Variants in SHANK2 observed in about 807,000 individuals in gnomAD.
SHANK2 encodes the protein SH3 and multiple ankyrin repeat domains 2, also known as SH3 and multiple ankyrin repeat domains protein 2.
SHANK2 carries 43 observed loss-of-function variants against 133.7 expected under a neutral mutation model. That is an observed-to-expected ratio of 0.32 (90% CI 0.25 to 0.41). The LOEUF is 0.41. Ranked by LOEUF, SHANK2 falls within the 10% of genes least tolerant of loss-of-function variation. The probability of loss-of-function intolerance (pLI) is 1.00; values close to 1 mark genes in which losing one functional copy is unlikely to be tolerated. For missense variants in SHANK2, 1,994 were observed against 2,235.8 expected (o/e 0.89, Z 2.18); for synonymous variants, 1,017 against 952.8 (o/e 1.07, Z -1.24).
At chr11:70,677,169 C>T (rs770166033) in intron 15 of SHANK2, among the ~76,000 whole-genome samples, 34 of 152,216 alleles carry the variant, frequency 2.2e-4, no homozygotes, top group Admixed American at 3.9e-4. Flanking sequence ...CCAAGGCCCA[C>T]GGTCTGGTCT....
intron 11 of SHANK2, among the ~76,000 whole-genome samples, chr11:70,835,270 C>G (rs1290912748): frequency 1.3e-5 from 2 of 152,176 alleles, no homozygotes; most frequent in African/African-American, 2.4e-5. Context: ...TGTGGTGGCC[C>G]TTCTGAGAGC....
intron 14 of SHANK2, among the ~76,000 whole-genome samples, chr11:70,751,647 T>A (rs180748069): frequency 2.6e-5 from 4 of 152,178 alleles, no homozygotes. Context: ...GAAAATACGA[T>A]GGTTGAAGTA....
intron 1 of SHANK2, among the ~76,000 whole-genome samples, chr11:71,225,735 C>T (rs1300992827): frequency 6.6e-6 from 1 of 152,136 alleles, no homozygotes; most frequent in Admixed American, 6.5e-5. Context: ...AATGCTTCCA[C>T]GAACAATTAG....
chr11:70,495,349 CTG>C (rs1555156865), intron 21 of SHANK2, among the ~76,000 whole-genome samples: 1 of 152,228 alleles, frequency 6.6e-6, no homozygotes, highest in Non-Finnish European at 1.5e-5. Context: ...GTGCCGGCCT[CTG>C]TTCCCTGGCC....
intron 11 of SHANK2, 135 bp from the exon 12 acceptor site, chr11:70,820,817 T>C (rs1403775119): frequency 1.8e-6 from 1 of 548,050 alleles, no homozygotes; most frequent in Non-Finnish European, 3.2e-6. Context: ...CTGTGAGTTC[T>C]GGGCCGAGAC....
At chr11:70,906,378 C>G (rs559432149) in intron 10 of SHANK2, among the ~76,000 whole-genome samples, 9 of 152,240 alleles carry the variant, frequency 5.9e-5, no homozygotes, top group Admixed American at 3.3e-4. Flanking sequence ...GTGACCTGTT[C>G]CCTGACGCCA....
At chr11:70,694,911 T>C (rs1311407571) in intron 15 of SHANK2, among the ~76,000 whole-genome samples, 2 of 152,140 alleles carry the variant, frequency 1.3e-5, no homozygotes, top group African/African-American at 4.8e-5. Context: ...CAGCACTGCC[T>C]GTCCCCCTGT....
At chr11:70,573,560 T>TGGGGGGGGGGGGGGGGGGGGGGGGGGG (rs1160356411) in intron 17 of SHANK2, among the ~76,000 whole-genome samples, 1 of 95,026 alleles carries the variant, frequency 1.1e-5, no homozygotes, top group Non-Finnish European at 2.2e-5. Context: ...GGGGGGGGGG[T>TGGGGGGGGGGGGGGGGGGGGGGGGGGG]GGGGCATGGC....
intron 14 of SHANK2, among the ~76,000 whole-genome samples, chr11:70,735,845 C>T (rs1027725446): frequency 3.9e-5 from 6 of 152,016 alleles, no homozygotes; most frequent in Non-Finnish European, 7.4e-5. Context: ...CTCTCTTCAG[C>T]GTGTCCACCC....
chr11:70,946,298 GCTCAACCTCTCT>G (rs1950732668), intron 10 of SHANK2, among the ~76,000 whole-genome samples: 1 of 145,344 alleles, frequency 6.9e-6, no homozygotes, highest in Admixed American at 6.8e-5. Flanking sequence ...CGCTTCCCAG[GCTCAACCTCTCT>G]CTCCACTAAC....
chr11:70,766,271 A>G (rs782257192), intron 14 of SHANK2, among the ~76,000 whole-genome samples: 11 of 152,254 alleles, frequency 7.2e-5, no homozygotes, highest in Admixed American at 1.3e-4. Context: ...TGTATGTTTG[A>G]AGCCCTCATA....
intron 10 of SHANK2, among the ~76,000 whole-genome samples, chr11:70,922,922 C>CA (rs1555080937): frequency 6.6e-6 from 1 of 151,334 alleles, no homozygotes; most frequent in Non-Finnish European, 1.5e-5. Context: ...AACAAACAAA[C>CA]AAAAAACCCA....
intron 10 of SHANK2, among the ~76,000 whole-genome samples, chr11:70,926,392 C>T (rs1555081623): frequency 2.0e-5 from 3 of 152,192 alleles, no homozygotes; most frequent in African/African-American, 2.4e-5. Flanking sequence ...GGCGCCACCG[C>T]ACTCTGGCCT....
intron 2 of SHANK2, among the ~76,000 whole-genome samples, chr11:71,215,505 A>G (rs532347996): frequency 1.3e-5 from 2 of 152,266 alleles, no homozygotes; most frequent in Admixed American, 1.3e-4. Context: ...AGGCCCCCTG[A>G]GCGAACGTGA....
Position 71,147,305 on chromosome 11 carries a change from T to C in SHANK2, c.22A>G (p.Ser8Gly), listed in dbSNP as rs2135405015. The change falls in exon 3 of 26, where the codon AGC (serine) becomes GGC (glycine). Residue 8 changes from serine (S) to glycine (G), a missense_variant. By Grantham distance (56) the Ser-to-Gly change is moderately conservative. Coordinates refer to ENST00000601538, the MANE Select transcript of SHANK2 (RefSeq NM_012309.5). ...AAGCTCTGGGCCATCTCGTCCTCGC[T>C]GGATGTTGGGCTGCGCGGCATGGCT... is the stretch of plus-strand genomic sequence containing the variant. Reference protein sequence around the residue: MPRSPTSSEDEMAQSFSD... With the variant: MPRSPTSGEDEMAQSFSD... 6.4e-7 allele frequency: 1 copy of C among 1,550,908 alleles called. No homozygotes were observed. Among genetic ancestry groups the C allele is most frequent in the Non-Finnish European group, 8.7e-7 (1 of 1,146,838 alleles).
intron 12 of SHANK2, among the ~76,000 whole-genome samples, chr11:70,813,849 T>C (rs1424593798): frequency 1.3e-5 from 2 of 152,210 alleles, no homozygotes; most frequent in African/African-American, 4.8e-5. Context: ...GTCTCGGGCC[T>C]GAGGGCTTCA....
chr11:70,736,761 C>A (rs1946413342), intron 14 of SHANK2, among the ~76,000 whole-genome samples: 1 of 152,154 alleles, frequency 6.6e-6, no homozygotes, highest in Admixed American at 6.5e-5. Flanking sequence ...CGCCACGCAC[C>A]CCAACACAAC....
At chr11:70,762,206 C>T (rs757368792) in intron 14 of SHANK2, among the ~76,000 whole-genome samples, 65 of 151,878 alleles carry the variant, frequency 4.3e-4, no homozygotes, top group South Asian at 1.3e-3. Flanking sequence ...TAAGCCAACG[C>T]GGTAGTTCTC....
In SHANK2 at chr11:71,066,911, G is replaced by A. The variant is rs1284795015; in HGVS notation, c.1029+8248C>T. On this transcript the variant is annotated intron_variant, in intron 9 of 25. Coordinates refer to ENST00000601538, the MANE Select transcript of SHANK2 (RefSeq NM_012309.5). ...CACTGCCGTGGACATAGGTGCTTCT[G>A]CCTGACCTGTGCCCAGTAGAGGCCC... Among the ~76,000 whole-genome samples, 5 of 152,272 alleles carry A rather than the reference G, an allele frequency of 3.3e-5. No individual in the cohort carries two copies. The East Asian group carries it at 5.8e-4, about 18-fold the overall frequency.
Sources: gnomAD v4.1 joint callset for allele counts (sites outside exome capture counted in the v4.1 genomes callset) on GRCh38, gnomAD v4.1.1 for gene constraint, MANE v1.5 for transcripts, NCBI Gene and HGNC (gene_info 2026-07-23, HGNC 2026-07-21) for gene names.